The following PPM1L variants were observed in gnomAD, a reference collection of about 807,000 sequenced individuals.
PPM1L encodes protein phosphatase, Mg2+/Mn2+ dependent 1L.
A neutral mutation model predicts 31.4 loss-of-function variants in PPM1L; 13 were observed. The observed-to-expected ratio is 0.41, with a 90% CI of 0.27 to 0.66. The LOEUF is 0.66. PPM1L is among the 30% of genes least tolerant of loss of function. PPM1L has a pLI of 0.29. For missense variants in PPM1L, 326 were observed against 453.7 expected (o/e 0.72, Z 2.56); for synonymous variants, 184 against 175.4 (o/e 1.05, Z -0.39).
intron 1 of PPM1L, among the ~76,000 whole-genome samples, chr3:160,863,844 C>A (rs1041272088): frequency 6.6e-6 from 1 of 152,124 alleles, no homozygotes; most frequent in Non-Finnish European, 1.5e-5. Context: ...TATACATAGT[C>A]CCCTGCAAGC....
chr3:160,926,926 T>C (rs561942640), intron 1 of PPM1L, among the ~76,000 whole-genome samples: 6 of 152,248 alleles, frequency 3.9e-5, no homozygotes, highest in Non-Finnish European at 7.3e-5. Flanking sequence ...TTCAAGTATA[T>C]TCCAAGGAGC....
chr3:160,782,366 A>G (rs947657877), intron 1 of PPM1L, among the ~76,000 whole-genome samples: 1 of 152,224 alleles, frequency 6.6e-6, no homozygotes, highest in Non-Finnish European at 1.5e-5. Context: ...TATAGGACAT[A>G]AAATGACAGT....
At chr3:161,052,051 T>C (rs967794398) in intron 2 of PPM1L, among the ~76,000 whole-genome samples, 2 of 152,168 alleles carry the variant, frequency 1.3e-5, no homozygotes, top group African/African-American at 2.4e-5. Flanking sequence ...GGCCCACTCA[T>C]TGGGGCACTG....
chr3:161,067,240 C>G (rs1171210457), intron 3 of PPM1L, among the ~76,000 whole-genome samples: 1 of 152,198 alleles, frequency 6.6e-6, no homozygotes, highest in Non-Finnish European at 1.5e-5. Context: ...ACCCACTACC[C>G]ACGCCTGCAC....
intron 1 of PPM1L, among the ~76,000 whole-genome samples, chr3:160,861,982 C>A (rs1457383831): frequency 1.3e-5 from 2 of 152,114 alleles, no homozygotes; most frequent in African/African-American, 2.4e-5. Flanking sequence ...CTAAGTAATG[C>A]AGGAAAATAT....
At chr3:160,952,356 A>T (rs764874925) in intron 1 of PPM1L, among the ~76,000 whole-genome samples, 3 of 152,228 alleles carry the variant, frequency 2.0e-5, no homozygotes, top group Admixed American at 6.5e-5. Flanking sequence ...GCAAACACAC[A>T]TCCCCTTCTT....
chr3:161,010,289 G>T (rs1717849157), intron 2 of PPM1L, among the ~76,000 whole-genome samples: 1 of 152,100 alleles, frequency 6.6e-6, no homozygotes, highest in Non-Finnish European at 1.5e-5. Flanking sequence ...TGCTGAGAAT[G>T]ATGGTTTCCA....
At chr3:160,814,753 A>ATATG in intron 1 of PPM1L, among the ~76,000 whole-genome samples, 1 of 151,096 alleles carries the variant, frequency 6.6e-6, no homozygotes, top group Non-Finnish European at 1.5e-5. Flanking sequence ...GTGTATATAT[A>ATATG]TATGTATATA....
chr3:161,027,896 A>C (rs1559929614), intron 2 of PPM1L, among the ~76,000 whole-genome samples: 4 of 152,204 alleles, frequency 2.6e-5, no homozygotes, highest in Admixed American at 1.3e-4. Flanking sequence ...ACCTAACCAT[A>C]TGGAGGGCTC....
intron 1 of PPM1L, among the ~76,000 whole-genome samples, chr3:160,838,658 A>C (rs1159526346): frequency 1.3e-5 from 2 of 152,162 alleles, no homozygotes; most frequent in African/African-American, 2.4e-5. Context: ...CTCTTTTCTA[A>C]AGATTAATAT....
In PPM1L at chr3:161,069,288, G is replaced by A. The variant is rs992870547; in HGVS notation, c.*131G>A. 5.6e-6 allele frequency: 4 copies of A among 716,986 alleles called. No homozygotes were observed. Among genetic ancestry groups the A allele is most frequent in the Non-Finnish European group, 9.0e-6 (4 of 444,396 alleles). 44.4% of individuals were successfully genotyped at this position (716,986 alleles called of 1,614,324 possible). On this transcript the variant is annotated 3_prime_UTR_variant, in exon 4 of 4. Transcript: ENST00000498165. ...GACATGGAATCCCCCCTCCCTGGTG[G>A]TCTTAGGTCTATAATCAGTGACGAA...
At chr3:160,842,878 T>G (rs1256831309) in intron 1 of PPM1L, among the ~76,000 whole-genome samples, 1 of 152,224 alleles carries the variant, frequency 6.6e-6, no homozygotes. Context: ...AGAAATGAGA[T>G]GTGGCCTAGT....
At chr3:160,852,407 T>G (rs9869116) in intron 1 of PPM1L, among the ~76,000 whole-genome samples, 67,739 of 151,722 alleles carry the variant, frequency 0.45, 15,687 homozygotes, top group East Asian at 0.6. Context: ...ATGTTAATGT[T>G]TGACAGAGAT....
At chr3:160,794,107 A>T (rs1400572133) in intron 1 of PPM1L, among the ~76,000 whole-genome samples, 1 of 150,526 alleles carries the variant, frequency 6.6e-6, no homozygotes, top group Non-Finnish European at 1.5e-5. Context: ...AACTTTGAGC[A>T]CCTCAGCCAC....
chr3:160,789,761 G>T (rs931143896), intron 1 of PPM1L, among the ~76,000 whole-genome samples: 1 of 151,624 alleles, frequency 6.6e-6, no homozygotes, highest in Non-Finnish European at 1.5e-5. Context: ...TACATTGGTA[G>T]ATCTTCTGAT....
intron 1 of PPM1L, among the ~76,000 whole-genome samples, chr3:160,906,032 TTTTC>T (rs1388481941): frequency 6.6e-6 from 1 of 152,122 alleles, no homozygotes; most frequent in African/African-American, 2.4e-5. Context: ...TTTTTACTAG[TTTTC>T]TTTCTTTCTA....
intron 1 of PPM1L, among the ~76,000 whole-genome samples, chr3:160,882,740 C>T (rs1712768910): frequency 6.6e-6 from 1 of 152,188 alleles, no homozygotes; most frequent in Admixed American, 6.5e-5. Flanking sequence ...CACCGTTGTT[C>T]CCAGGTCACC....
intron 1 of PPM1L, among the ~76,000 whole-genome samples, chr3:160,848,176 A>G (rs1714140782): frequency 6.6e-6 from 1 of 152,238 alleles, no homozygotes; most frequent in Admixed American, 6.5e-5. Context: ...TCTGAATGAT[A>G]ATAATTTGTG....
At chr3:160,802,546 C>T (rs1217864186) in intron 1 of PPM1L, among the ~76,000 whole-genome samples, 2 of 152,192 alleles carry the variant, frequency 1.3e-5, no homozygotes, top group Admixed American at 6.5e-5. Flanking sequence ...ACTTCATTCT[C>T]ACGTTCTTTT....
Sources: allele counts gnomAD v4.1 joint callset (sites outside exome capture counted in the v4.1 genomes callset), GRCh38; gene constraint gnomAD v4.1.1; transcripts MANE v1.5; gene names NCBI Gene and HGNC (gene_info 2026-07-23, HGNC 2026-07-21).